LAMA5: variants seen among roughly 807,000 people sequenced by gnomAD.
LAMA5 encodes the protein laminin subunit alpha-5.
In LAMA5, 260 loss-of-function variants were observed where a neutral mutation model predicts 433.4. The observed-to-expected ratio is 0.60, with a 90% confidence interval of 0.54 to 0.66. The LOEUF is 0.66. Ranked by LOEUF, LAMA5 falls within the 30% of genes least tolerant of loss-of-function variation. The probability of loss-of-function intolerance (pLI) is 0.00; values close to 1 mark genes in which losing one functional copy is unlikely to be tolerated. For synonymous variants in LAMA5, 2,620 were observed against 2,226.6 expected, an observed-to-expected ratio of 1.18 and a Z score of -4.97; for missense variants, 5,378 against 5,258.5, an observed-to-expected ratio of 1.02 and a Z score of -0.70.
At chr20:62,353,019 GC>G (rs1984597649) in intron 3 of LAMA5, 114 bp downstream of exon 3, 1 of 715,666 alleles carries the variant, frequency 1.4e-6, no homozygotes, top group Admixed American at 2.9e-5. Flanking sequence ...GACCGCAGCA[GC>G]CGGGTGTGAG....
intron 62 of LAMA5, among the ~76,000 whole-genome samples, 178 bp from the exon 63 acceptor site, chr20:62,313,980 G>GAGA (rs1555870436): frequency 2.0e-3 from 1 of 490 alleles, no homozygotes; most frequent in Non-Finnish European, 0.02. Context: ...GCACAGAGAC[G>GAGA]GGTGGCGAGT....
Position 62,312,963 on chromosome 20 carries a change from C to A in LAMA5, c.9003G>T (p.Leu3001Phe). ...LAVQEGSLVL[L>F]YDFGAGLKKA... is the part of the protein sequence containing the mutation. Reference sequence around the variant, plus strand: ...TTTTCAGGCCAGCCCCAAAGTCATACAACAGCACGAGGCTGCCTTCTTGCA... The same window carrying A: ...TTTTCAGGCCAGCCCCAAAGTCATAAAACAGCACGAGGCTGCCTTCTTGCA... Residue 3001 changes from leucine to phenylalanine, a missense_variant, in exon 66 of 80, where the codon TTG becomes TTT. Leu to Phe is a conservative substitution (Grantham distance 22, BLOSUM62 0). Coordinates refer to ENST00000252999, the MANE Select transcript of LAMA5 (RefSeq NM_005560.6). The A allele has an allele frequency of 6.3e-7, 1 of 1,583,732 alleles. No individual in the cohort carries two copies. The highest frequency in any genetic ancestry group is 2.2e-5 in the East Asian group (1 of 44,556).
chr20:62,319,843 G>A lies in LAMA5; in HGVS notation c.6760-48C>T, dbSNP rs561076848. On this transcript the variant is annotated intron_variant, in intron 50 of 79. Transcript: ENST00000252999. ...CCCACGCTGCTGGTAGGCGAGGGTC[G>A]GGGTGGCAAGGGAGGGCCTGGGGTC... 40 of 1,448,304 alleles carry A rather than the reference G, an allele frequency of 2.8e-5. No individual in the cohort carries two copies. In the African/African-American group the frequency reaches 2.8e-4, roughly 10 times the overall value. The allele number at this position is 1,448,304 out of a possible 1,614,324, so 89.7% of individuals were successfully genotyped here.
rs760191593 is a variant in LAMA5, at chr20:62,317,824, G to T, written c.7240-46C>A. 7 of 1,043,790 alleles carry T rather than the reference G, an allele frequency of 6.7e-6. No homozygotes were observed. The Admixed American group carries it at 1.2e-4, about 19-fold the overall frequency. The allele number at this position is 1,043,790 out of a possible 1,614,324, so 64.7% of individuals were successfully genotyped here. ...TTGGGGACAATGAGGGGTAAGAAAA[G>T]AATAAAGGATGTGATGGGGTGGACA... is the stretch of plus-strand genomic sequence containing the variant. On this transcript the variant is annotated intron_variant, in intron 53 of 79. Transcript: ENST00000252999.
intron 63 of LAMA5, 64 bp downstream of exon 63, chr20:62,313,585 C>T (rs1397612269): frequency 1.9e-6 from 3 of 1,593,920 alleles, no homozygotes; most frequent in South Asian, 2.2e-5. Context: ...CGCGGCTCTC[C>T]AGGACACAAG....
rs1193850088 is a variant in LAMA5 at position 62,346,520 on chromosome 20, G to A, written c.1268C>T (p.Pro423Leu). The A allele has an allele frequency of 6.4e-6, 10 of 1,551,810 alleles. No individual in the cohort carries two copies. In the South Asian group the frequency reaches 1.2e-4, roughly 18 times the overall value. Residue 423 changes from proline to leucine, a missense_variant, in exon 9 of 80, where the codon CCC becomes CTC. By Grantham distance (98) the Pro-to-Leu change is moderately conservative. Coordinates refer to ENST00000252999, the MANE Select transcript of LAMA5 (RefSeq NM_005560.6). ...AGCCCACTCACGGCGGCAGACGTGG[G>A]GCGAGTCGAGAGGGTGGTTGGGAGA... ...YRSPNHPLDS[P>L]HVCRRCNCES...
In LAMA5 at chr20:62,362,562, G is replaced by T. The variant is rs1207424158; in HGVS notation, c.298-10C>A. 6.5e-7 allele frequency: 1 copy of T among 1,528,232 alleles called. No individual in the cohort carries two copies. 94.7% of individuals were successfully genotyped at this position (1,528,232 alleles called of 1,614,324 possible). A position where few individuals can be genotyped will look rare whatever the true frequency, so the allele number is the denominator to read the frequency against. On this transcript the variant is annotated splice_polypyrimidine_tract_variant and intron_variant, in intron 1 of 79. Coordinates refer to ENST00000252999, the MANE Select transcript of LAMA5 (RefSeq NM_005560.6). ...TGTCACAGTACTGGCCCTGCAGAGG[G>T]AACGGGAGGGTCAGATAGCCGAGAA... is the stretch of plus-strand genomic sequence containing the variant.
In LAMA5 at chr20:62,310,260, G is replaced by A. The variant is rs1986083753; in HGVS notation, c.10652C>T (p.Pro3551Leu). Residue 3551 changes from proline to leucine, a missense_variant, in exon 77 of 80, where the codon CCC (proline) becomes CTC (leucine). Pro to Leu is a moderately conservative substitution (Grantham distance 98). Transcript: ENST00000252999. ...PDVGLELEVR[P>L]LAVTGLIFHL... is the part of the protein sequence containing the mutation. ...GAAGATCAGTCCGGTGACTGCCAGG[G>A]GCCGCACCTCCAGTTCCAGGCCCAC... 1.2e-6 allele frequency: 2 copies of A among 1,612,134 alleles called. No homozygotes were observed. The highest frequency in any genetic ancestry group is 1.7e-6 in the Non-Finnish European group (2 of 1,179,686).
At position 62,336,284 on chromosome 20, in the gene LAMA5, T is replaced by C. The variant is rs571222334; in HGVS notation, c.2323+56A>G. On this transcript the variant is annotated intron_variant, in intron 18 of 79. Coordinates refer to ENST00000252999, the MANE Select transcript of LAMA5 (RefSeq NM_005560.6). ...CCCAACACTCCCTCCAGGATATACT[T>C]GTGGGCACAGTTCCCCAAGGAACCC... is the stretch of plus-strand genomic sequence containing the variant. 2.3e-6 allele frequency: 3 copies of C among 1,283,900 alleles called. No homozygotes were observed. The African/African-American group carries it at 4.5e-5, about 19-fold the overall frequency. The allele number at this position is 1,283,900 out of a possible 1,614,324, so 79.5% of individuals were successfully genotyped here.
rs80097864 is a variant in LAMA5 at position 62,327,985 on chromosome 20, G to A, written c.4678C>T (p.Arg1560Cys). 538 of 1,612,100 alleles carry A rather than the reference G, an allele frequency of 3.3e-4. No homozygotes were observed. In the East Asian group the frequency reaches 0.011, roughly 32 times the overall value. ...AAGCCCGGAGAGCAGGTATCACAGC[G>A]GCGCCCAGTCACGTTGGGTCTGCAC... ...CKCRPNVTGR[R>C]CDTCSPGFHG... Residue 1560 changes from arginine (R) to cysteine (C), a missense_variant, in exon 36 of 80, where the codon CGC (arginine) becomes TGC (cysteine). Physicochemically the swap from Arg to Cys is radical, Grantham distance 180. Coordinates refer to ENST00000252999, the MANE Select transcript of LAMA5 (RefSeq NM_005560.6).
chr20:62,333,364 A>G lies in LAMA5; in HGVS notation c.3128+11T>C, dbSNP rs377122853. On this transcript the variant is annotated intron_variant, in intron 25 of 79. Coordinates refer to ENST00000252999, the MANE Select transcript of LAMA5 (RefSeq NM_005560.6). Reference sequence around the variant, plus strand: ...CCCCCACCCCGGTCCCACCGCACGCATGGCCCTCACTTGTCGCCAGACTGC... The same window carrying G: ...CCCCCACCCCGGTCCCACCGCACGCGTGGCCCTCACTTGTCGCCAGACTGC... 17 of 1,608,822 alleles carry G rather than the reference A, an allele frequency of 1.1e-5. No homozygotes were observed. The highest frequency in any genetic ancestry group is 2.8e-5 in the African/African-American group (2 of 72,588).
At chr20:62,332,166 T>C (rs1980586811) in intron 28 of LAMA5, among the ~76,000 whole-genome samples, 1 of 152,138 alleles carries the variant, frequency 6.6e-6, no homozygotes, top group Non-Finnish European at 1.5e-5. Flanking sequence ...CCTGAGCACA[T>C]GGAACAGCTC....
Position 62,310,780 on chromosome 20 carries a change from G to A in LAMA5, c.10331C>T (p.Ala3444Val), listed in dbSNP as rs1175128425. The change falls in exon 75 of 80, where the codon GCC (alanine) becomes GTC (valine). Residue 3444 changes from alanine to valine, a missense_variant. Ala to Val is a moderately conservative substitution (Grantham distance 64). Transcript: ENST00000252999. ...KNRILLVTDG[A>V]RAWSQEGPHR... Reference sequence around the variant, plus strand: ...CGGCCCCTCCTGGCTCCAGGCCCGGGCCCCGTCCGTCACCAGCAGGATCCG... The same window carrying A: ...CGGCCCCTCCTGGCTCCAGGCCCGGACCCCGTCCGTCACCAGCAGGATCCG... 9 of 1,553,012 alleles carry A rather than the reference G, an allele frequency of 5.8e-6. No individual in the cohort carries two copies. The highest frequency in any genetic ancestry group is 7.0e-6 in the Non-Finnish European group (8 of 1,150,016).
At position 62,334,301 on chromosome 20, in the gene LAMA5, C is replaced by T. The variant is rs148367593; in HGVS notation, c.2624G>A (p.Arg875His). The change falls in exon 22 of 80, where the codon CGC (arginine) becomes CAC (histidine). Residue 875 changes from arginine to histidine, a missense_variant. Arg to His is a conservative substitution (Grantham distance 29). Coordinates refer to ENST00000252999, the MANE Select transcript of LAMA5 (RefSeq NM_005560.6). ...TGTGGCAGCCTCCTCCAGCTCCAGG[C>T]GCAGGTGGTGCAGGTCCGGGAGGTA... is the stretch of plus-strand genomic sequence containing the variant. ...DHYLPDLHHLRLELEEAATPE... is the reference protein window; with the variant it reads ...DHYLPDLHHLHLELEEAATPE... 6.8e-6 allele frequency: 11 copies of T among 1,610,824 alleles called. No homozygotes were observed. The highest frequency in any genetic ancestry group is 6.7e-5 in the East Asian group (3 of 44,788).
chr20:62,317,314 G>T, intron 55 of LAMA5, 31 bp downstream of exon 55: 3 of 1,576,726 alleles, frequency 1.9e-6, no homozygotes, highest in Non-Finnish European at 8.6e-7. Flanking sequence ...CCCAGGGTGG[G>T]CCCAGGGCCC....
At chr20:62,354,634 TC>T (rs1306230515) in intron 2 of LAMA5, among the ~76,000 whole-genome samples, 3 of 150,868 alleles carry the variant, frequency 2.0e-5, no homozygotes, top group Non-Finnish European at 4.4e-5. Flanking sequence ...GCAGGGGGGG[TC>T]CCGAGGCACA....
intron 16 of LAMA5, among the ~76,000 whole-genome samples, chr20:62,337,209 TATGCGACACGCGCCCAC>T (rs869031977): frequency 1.5e-5 from 2 of 137,206 alleles, no homozygotes; most frequent in Non-Finnish European, 3.2e-5. Flanking sequence ...CGCACCCACT[TATGCGACACGCGCCCAC>T]ATGCGACACG....
Position 62,323,807 on chromosome 20 carries a change from T to C in LAMA5, c.5818A>G (p.Lys1940Glu). 1 of 1,610,904 alleles carries C rather than the reference T, an allele frequency of 6.2e-7. No individual in the cohort carries two copies. The highest frequency in any genetic ancestry group is 8.5e-7 in the Non-Finnish European group (1 of 1,179,112). ...CAGGAGGCACCTGCATAACCAGGTT[T>C]GCAGAGGCACTGGGTGCGGCCGCCT... The part of the protein sequence containing the change: ...LRGGRTQCLC[K>E]PGYAGASCER... The change falls in exon 44 of 80, where the codon AAA becomes GAA. Residue 1940 changes from lysine to glutamate, a missense_variant. Lys to Glu is a moderately conservative substitution (Grantham distance 56, BLOSUM62 1). Coordinates refer to ENST00000252999, the MANE Select transcript of LAMA5 (RefSeq NM_005560.6).
Position 62,318,529 on chromosome 20 carries a change from C to T in LAMA5, c.7164G>A (p.Leu2388=), listed in dbSNP as rs755392155. 16 of 1,609,910 alleles carry T rather than the reference C, an allele frequency of 9.9e-6. No homozygotes were observed. Among genetic ancestry groups the T allele is most frequent in the Non-Finnish European group, 1.4e-5 (16 of 1,179,052 alleles). ...CCCGTGTGGCGTCCACTGCCCGGTT[C>T]AAAGCCTCTCGCAGGTCCATGAGGC... is the stretch of plus-strand genomic sequence containing the variant. ...EAGLMDLREA[L]NRAVDATREA... is the part of the protein sequence containing the mutation. The change falls in exon 53 of 80, where the codon TTG becomes TTA. Residue 2388 remains leucine, a synonymous_variant. Transcript: ENST00000252999.
Sources: gnomAD v4.1 joint callset for allele counts (sites outside exome capture counted in the v4.1 genomes callset) on GRCh38, gnomAD v4.1.1 for gene constraint, MANE v1.5 for transcripts, NCBI Gene and HGNC (gene_info 2026-07-23, HGNC 2026-07-21) for gene names.